The following AAMDC variants were observed in gnomAD, a reference collection of about 807,000 sequenced individuals.
AAMDC encodes mth938 domain-containing protein.
A neutral mutation model predicts 15.5 loss-of-function variants in AAMDC; 16 were observed. The ratio of observed to expected loss-of-function variants is 1.03; its 90% CI spans 0.70 to 1.57. The LOEUF (loss-of-function observed/expected upper bound fraction) is 1.57. AAMDC is among the 40% of genes most tolerant of loss of function. The probability of loss-of-function intolerance (pLI) is 0.00; values close to 1 mark genes in which losing one functional copy is unlikely to be tolerated. For missense variants in AAMDC, 141 were observed against 144.9 expected, an observed-to-expected ratio of 0.97 and a Z score of 0.14; for synonymous variants, 51 against 51.6, an observed-to-expected ratio of 0.99 and a Z score of 0.05.
At position 77,872,225 on chromosome 11, in the gene AAMDC, G is replaced by T. The variant is rs1951465897; in HGVS notation, c.279G>T (p.Arg93=). ...EYLKKHGIDV[R]VLQTEQAVKE... The stretch of plus-strand genomic sequence containing the variant: ...TCAAGAAACATGGCATTGATGTGCG[G>T]GTCCTCCAGACAGAGCAGGCAGTGA... Residue 93 remains arginine (R), a synonymous_variant, in exon 4 of 4, where the codon CGG becomes CGT. Transcript: ENST00000393427. The T allele has an allele frequency of 6.2e-7, 1 of 1,613,780 alleles. No homozygotes were observed. Among genetic ancestry groups the T allele is most frequent in the Non-Finnish European group, 8.5e-7 (1 of 1,179,880 alleles).
At chr11:77,827,103 CAA>C (rs10540717) in intron 1 of AAMDC, among the ~76,000 whole-genome samples, 1 of 144,190 alleles carries the variant, frequency 6.9e-6, no homozygotes, top group East Asian at 2.1e-4. Flanking sequence ...AAACTCGTCT[CAA>C]AAAAAAAAAA....
rs575872676 is a variant in AAMDC at position 77,868,357 on chromosome 11, C to CTT, written c.133-1348_133-1347dup. Among the ~76,000 whole-genome samples, 162 of 116,774 alleles carry CTT rather than the reference C, an allele frequency of 1.4e-3. 1 individual carries two copies. The highest frequency in any genetic ancestry group is 4.5e-3 in the African/African-American group (131 of 29,378). The allele number at this position is 116,774 out of a possible 152,430, so 76.6% of individuals were successfully genotyped here. ...GGTGTGAGCCACCACGCCCAGCCGC[C>CTT]TTTTTTTTTTTTTTTTTTGAGATGA... On this transcript the variant is annotated intron_variant, in intron 2 of 3. Transcript: ENST00000393427.
intron 1 of AAMDC, among the ~76,000 whole-genome samples, chr11:77,831,550 T>G (rs1489072284): frequency 2.0e-5 from 3 of 152,130 alleles, no homozygotes; most frequent in Non-Finnish European, 2.9e-5. Context: ...TGATTATCAT[T>G]CTGGTGTTCT....
intron 2 of AAMDC, among the ~76,000 whole-genome samples, chr11:77,846,191 G>A (rs1364400875): frequency 1.3e-5 from 2 of 152,150 alleles, no homozygotes; most frequent in African/African-American, 4.8e-5. Flanking sequence ...TTAGTGATGA[G>A]CTAATGATTT....
At chr11:77,844,725 T>C (rs1207855827) in intron 2 of AAMDC, among the ~76,000 whole-genome samples, 1 of 152,146 alleles carries the variant, frequency 6.6e-6, no homozygotes. Flanking sequence ...CCAGAGGCTT[T>C]AGGGATTTTG....
chr11:77,861,910 G>C (rs1289169870), intron 2 of AAMDC, among the ~76,000 whole-genome samples: 2 of 152,164 alleles, frequency 1.3e-5, no homozygotes, highest in South Asian at 4.1e-4. Flanking sequence ...AATGTCTGCA[G>C]CTGACTGAGT....
At chr11:77,901,346 C>T (rs371938830), downstream of AAMDC, 62 of 1,432,908 alleles carry the variant, frequency 4.3e-5, 1 homozygote, top group South Asian at 2.7e-4. Flanking sequence ...CATTAACTTT[C>T]GTGTGATGTC....
intron 2 of AAMDC, among the ~76,000 whole-genome samples, chr11:77,852,794 G>A (rs933307721): frequency 6.6e-6 from 1 of 151,844 alleles, no homozygotes; most frequent in African/African-American, 2.4e-5. Flanking sequence ...ATACGCAAAA[G>A]GTAGCATGCC....
At chr11:77,835,623 G>C (rs1040091437) in intron 1 of AAMDC, among the ~76,000 whole-genome samples, 1 of 152,058 alleles carries the variant, frequency 6.6e-6, no homozygotes, top group Non-Finnish European at 1.5e-5. Flanking sequence ...AATAGTTGTT[G>C]AGTCTAAAGT....
intron 2 of AAMDC, among the ~76,000 whole-genome samples, chr11:77,846,563 G>A (rs1451032238): frequency 6.6e-6 from 1 of 152,138 alleles, no homozygotes; most frequent in Non-Finnish European, 1.5e-5. Flanking sequence ...AAAATTAGCC[G>A]GGTGTGGTGG....
At chr11:77,876,859 AATATCAGCATATTCTT>A (rs1324860369), downstream of AAMDC, 3 of 631,476 alleles carry the variant, frequency 4.8e-6, no homozygotes, top group African/African-American at 5.5e-5. Flanking sequence ...TTATCTGAAA[AATATCAGCATATTCTT>A]CCCTTAGAAG....
At chr11:77,861,736 G>A (rs1265418869) in intron 2 of AAMDC, among the ~76,000 whole-genome samples, 1 of 152,152 alleles carries the variant, frequency 6.6e-6, no homozygotes, top group African/African-American at 2.4e-5. Context: ...TAGCCTTTCC[G>A]TGTTCCAGAG....
At chr11:77,891,683 G>T (rs1565226280) in intron 5 of AAMDC, 24 of 1,611,886 alleles carry the variant, frequency 1.5e-5, no homozygotes, top group Non-Finnish European at 2.0e-5. Flanking sequence ...ACCCTGACCT[G>T]CTCTGGAAGC....
At chr11:77,827,861 G>T (rs1406569149) in intron 1 of AAMDC, among the ~76,000 whole-genome samples, 1 of 152,082 alleles carries the variant, frequency 6.6e-6, no homozygotes, top group African/African-American at 2.4e-5. Flanking sequence ...TTGTATGTAG[G>T]AAATCCTAAA....
chr11:77,880,869 C>T (rs1055914855), intron 5 of AAMDC, among the ~76,000 whole-genome samples: 3 of 151,916 alleles, frequency 2.0e-5, no homozygotes, highest in Admixed American at 6.6e-5. Flanking sequence ...CACTTGAGCC[C>T]GAGAGGATCA....
chr11:77,826,693 CTGTA>C (rs1949192823), intron 1 of AAMDC, among the ~76,000 whole-genome samples: 1 of 152,216 alleles, frequency 6.6e-6, no homozygotes, highest in South Asian at 2.1e-4. Flanking sequence ...GACCCTATAA[CTGTA>C]TGCCTGCAAA....
downstream of AAMDC, among the ~76,000 whole-genome samples, chr11:77,875,749 C>T (rs74349892): frequency 0.012 from 1,824 of 152,194 alleles, 35 homozygotes; most frequent in African/African-American, 0.041. Flanking sequence ...ATAAGAGACA[C>T]AGATATGTCC....
chr11:77,901,201 G>A (rs1484015267), downstream of AAMDC, among the ~76,000 whole-genome samples: 1 of 152,184 alleles, frequency 6.6e-6, no homozygotes, highest in Non-Finnish European at 1.5e-5. Flanking sequence ...TCACCAGAGG[G>A]TTTTTAGCAA....
chr11:77,885,924 G>A (rs141194743), intron 5 of AAMDC, among the ~76,000 whole-genome samples: 162 of 152,328 alleles, frequency 1.1e-3, no homozygotes, highest in Non-Finnish European at 1.2e-3. Context: ...GTGTTCAGCA[G>A]GTGCAGTGGC....
Sources: allele counts gnomAD v4.1 joint callset (sites outside exome capture counted in the v4.1 genomes callset), GRCh38; gene constraint gnomAD v4.1.1; transcripts MANE v1.5; gene names NCBI Gene and HGNC (gene_info 2026-07-23, HGNC 2026-07-21).